ZFAT: variants seen among roughly 807,000 people sequenced by gnomAD.
The protein encoded by ZFAT is zinc finger and AT-hook domain containing.
A neutral mutation model predicts 117.7 loss-of-function variants in ZFAT; 64 were observed. The observed-to-expected ratio is 0.54, with a 90% confidence interval of 0.44 to 0.67. ZFAT has a LOEUF of 0.67. ZFAT is among the 30% of genes least tolerant of loss of function. The pLI, the probability that ZFAT is intolerant of heterozygous loss-of-function variation, is 0.00. For missense variants in ZFAT, 1,433 were observed against 1,584.5 expected (o/e 0.90, Z 1.62); for synonymous variants, 679 against 615.0 (o/e 1.10, Z -1.54).
the ZFAT span, among the ~76,000 whole-genome samples, chr8:134,759,020 G>T: frequency 6.6e-6 from 1 of 152,200 alleles, no homozygotes; most frequent in African/African-American, 2.4e-5. Flanking sequence ...TAGCAAGGGA[G>T]AAGGGACTGA....
At chr8:134,730,424 C>G in the ZFAT span, among the ~76,000 whole-genome samples, 1 of 152,238 alleles carries the variant, frequency 6.6e-6, no homozygotes, top group African/African-American at 2.4e-5. Context: ...CCCACTCCCC[C>G]TTCCTGCCAG....
At chr8:134,560,290 GTC>G (rs1000940225) in intron 11 of ZFAT, among the ~76,000 whole-genome samples, 5 of 151,852 alleles carry the variant, frequency 3.3e-5, no homozygotes, top group Admixed American at 6.6e-5. Flanking sequence ...CAAACTCAAT[GTC>G]TCTCACGACA....
At chr8:134,569,714 T>C (rs1294710171) in intron 10 of ZFAT, among the ~76,000 whole-genome samples, 1 of 152,088 alleles carries the variant, frequency 6.6e-6, no homozygotes, top group Non-Finnish European at 1.5e-5. Flanking sequence ...AGGATGAGGC[T>C]GCGGGTGCAT....
intron 11 of ZFAT, among the ~76,000 whole-genome samples, chr8:134,538,119 T>C (rs1366526169): frequency 2.0e-5 from 3 of 151,768 alleles, no homozygotes; most frequent in South Asian, 2.1e-4. Context: ...GTATATCAAG[T>C]GAGAAGAGAA....
chr8:134,793,735 G>GGGGGGT, the ZFAT span: 2 of 151,940 alleles, frequency 1.3e-5, no homozygotes, highest in African/African-American at 4.8e-5. Flanking sequence ...AAGAGTCCGG[G>GGGGGGT]GGCTGGAGAC....
At chr8:134,663,511 G>A (rs1004179639) in intron 1 of ZFAT, among the ~76,000 whole-genome samples, 2 of 152,076 alleles carry the variant, frequency 1.3e-5, no homozygotes, top group African/African-American at 2.4e-5. Context: ...GGGCAAGGTG[G>A]GTGGATCACG....
chr8:134,753,890 T>C, the ZFAT span, among the ~76,000 whole-genome samples: 15 of 152,312 alleles, frequency 9.8e-5, no homozygotes, highest in Admixed American at 9.8e-4. Flanking sequence ...AAAAAGACAC[T>C]GCCTTTTTGA....
At chr8:134,625,314 T>C (rs1352177894) in intron 3 of ZFAT, among the ~76,000 whole-genome samples, 1 of 152,218 alleles carries the variant, frequency 6.6e-6, no homozygotes, top group African/African-American at 2.4e-5. Context: ...ACTGCAGTGA[T>C]TGTCCCAGAC....
At chr8:134,518,670 T>A (rs548777185) in intron 13 of ZFAT, among the ~76,000 whole-genome samples, 124 of 151,988 alleles carry the variant, frequency 8.2e-4, no homozygotes, top group African/African-American at 2.7e-3. Context: ...ATTTTTTCTA[T>A]ATAAAAAAAT....
intron 12 of ZFAT, among the ~76,000 whole-genome samples, chr8:134,532,540 G>T (rs181036291): frequency 2.0e-5 from 3 of 152,342 alleles, no homozygotes; most frequent in Middle Eastern, 3.4e-3. Context: ...GACAAAGAAT[G>T]GAAGGCAATG....
chr8:134,515,209 G>A (rs1820167243), intron 13 of ZFAT, among the ~76,000 whole-genome samples: 1 of 152,172 alleles, frequency 6.6e-6, no homozygotes. Flanking sequence ...GTCTATCATT[G>A]ATGGGCATTT....
chr8:134,521,405 A>C (rs1469571081), intron 12 of ZFAT, among the ~76,000 whole-genome samples: 1 of 152,180 alleles, frequency 6.6e-6, no homozygotes, highest in Non-Finnish European at 1.5e-5. Flanking sequence ...TGCTTTTCTT[A>C]ATCTCCTTTG....
chr8:134,576,497 A>C (rs553700515), intron 10 of ZFAT, among the ~76,000 whole-genome samples: 29 of 152,312 alleles, frequency 1.9e-4, no homozygotes, highest in African/African-American at 7.0e-4. Context: ...ACAAAAGGGA[A>C]AAGGATGCAG....
At chr8:134,822,924 A>C in the ZFAT span, among the ~76,000 whole-genome samples, 1 of 152,298 alleles carries the variant, frequency 6.6e-6, no homozygotes, top group African/African-American at 2.4e-5. Flanking sequence ...TTTTTAAAAA[A>C]TCTATTCCCC....
chr8:134,785,370 T>C, the ZFAT span: 1 of 152,152 alleles, frequency 6.6e-6, no homozygotes, highest in Non-Finnish European at 1.5e-5. Flanking sequence ...CTAGTTTTAA[T>C]ATAGTCAGAT....
At chr8:134,608,037 G>A (rs1175025146) in intron 5 of ZFAT, among the ~76,000 whole-genome samples, 5 of 152,138 alleles carry the variant, frequency 3.3e-5, no homozygotes, top group East Asian at 1.9e-4. Flanking sequence ...TGCATTGTCC[G>A]TAATAGTAAA....
chr8:134,671,309 A>C (rs1832551037), intron 1 of ZFAT, among the ~76,000 whole-genome samples: 1 of 152,190 alleles, frequency 6.6e-6, no homozygotes, highest in Admixed American at 6.5e-5. Context: ...AAAAAAGAGA[A>C]TTTTAGACCA....
At chr8:134,515,949 A>C (rs1453677696) in intron 13 of ZFAT, among the ~76,000 whole-genome samples, 2 of 152,258 alleles carry the variant, frequency 1.3e-5, no homozygotes, top group Non-Finnish European at 2.9e-5. Context: ...TAAATCCTTA[A>C]CATCATCAAT....
intron 3 of ZFAT, among the ~76,000 whole-genome samples, chr8:134,632,881 A>G (rs1401881310): frequency 6.6e-6 from 1 of 152,226 alleles, no homozygotes; most frequent in Non-Finnish European, 1.5e-5. Context: ...TGTAACAGAG[A>G]TAGCTCACTA....
Sources: gnomAD v4.1 joint callset for allele counts (sites outside exome capture counted in the v4.1 genomes callset) on GRCh38, gnomAD v4.1.1 for gene constraint, MANE v1.5 for transcripts, NCBI Gene and HGNC (gene_info 2026-07-23, HGNC 2026-07-21) for gene names.